Variants in USP13 observed in about 807,000 individuals in gnomAD.
USP13 encodes the protein ubiquitin specific peptidase 13, also known as ubiquitin carboxyl-terminal hydrolase 13.
A neutral mutation model predicts 107.8 loss-of-function variants in USP13; 68 were observed. The observed-to-expected ratio is 0.63, with a 90% CI of 0.52 to 0.77. USP13 has a LOEUF of 0.77. Ranked by LOEUF, USP13 falls within the 30% of genes least tolerant of loss-of-function variation. USP13 has a pLI of 0.00. For missense variants in USP13, 945 were observed against 1,093.3 expected (o/e 0.86, Z 1.91); for synonymous variants, 377 against 389.5 (o/e 0.97, Z 0.38).
At chr3:179,757,145 A>G in intron 16 of USP13, 67 bp downstream of exon 16, 2 of 1,551,096 alleles carry the variant, frequency 1.3e-6, no homozygotes, top group Non-Finnish European at 1.8e-6. Context: ...TTTGTCTGTG[A>G]AAGTTCAGTA....
chr3:179,768,400 C>T (rs1715247336), intron 19 of USP13, among the ~76,000 whole-genome samples: 1 of 152,224 alleles, frequency 6.6e-6, no homozygotes, highest in Admixed American at 6.5e-5. Flanking sequence ...ATTCCTGCCA[C>T]TGCTGGATTT....
chr3:179,685,596 G>T (rs941258230), intron 2 of USP13, among the ~76,000 whole-genome samples: 2 of 149,108 alleles, frequency 1.3e-5, no homozygotes, highest in African/African-American at 5.0e-5. Flanking sequence ...AGTCTGTTTT[G>T]TGACTTAATA....
intron 1 of USP13, among the ~76,000 whole-genome samples, chr3:179,669,832 A>AC (rs71182507): frequency 6.1e-4 from 92 of 151,200 alleles, no homozygotes; most frequent in African/African-American, 1.3e-3. Context: ...TATTTTCTTG[A>AC]CCCCCCCCTC....
intron 5 of USP13, 107 bp from the exon 6 acceptor site, chr3:179,708,666 A>C: frequency 7.4e-7 from 1 of 1,355,366 alleles, no homozygotes; most frequent in Non-Finnish European, 1.0e-6. Flanking sequence ...CTGTTATTCC[A>C]CTGAGCCTTT....
rs1715854372 is a variant in USP13, at chr3:179,784,340, T to C, written c.*199T>C. On this transcript the variant is annotated 3_prime_UTR_variant, in exon 21 of 21. Transcript: ENST00000263966. ...TTCTATTAGTGATGATACACTATTATATTGTAGATAGTTTTTATAAATGTT... is the reference window on the plus strand; with the variant it reads ...TTCTATTAGTGATGATACACTATTACATTGTAGATAGTTTTTATAAATGTT... The C allele has an allele frequency of 4.5e-6, 2 of 448,524 alleles. No individual in the cohort carries two copies. Among genetic ancestry groups the C allele is most frequent in the African/African-American group, 4.0e-5 (2 of 49,530 alleles). 27.8% of individuals were successfully genotyped at this position (448,524 alleles called of 1,614,324 possible). A position where few individuals can be genotyped will look rare whatever the true frequency, so the allele number is the denominator to read the frequency against.
Position 179,708,930 on chromosome 3 carries a change from C to G in USP13, c.778C>G (p.Leu260Val). 1 of 1,614,144 alleles carries G rather than the reference C, an allele frequency of 6.2e-7. No individual in the cohort carries two copies. The highest frequency in any genetic ancestry group is 1.1e-5 in the South Asian group (1 of 91,068). ...RDMGYPLAVK[L>V]GTITPDGADV... Reference sequence around the variant, plus strand: ...CATGGGCTACCCACTAGCCGTGAAACTGGGAACCATCACTCCTGACGGGGC... The same window carrying G: ...CATGGGCTACCCACTAGCCGTGAAAGTGGGAACCATCACTCCTGACGGGGC... Residue 260 changes from leucine to valine, a missense_variant, in exon 6 of 21, where the codon CTG (leucine) becomes GTG (valine). Leu to Val is a conservative substitution (Grantham distance 32, BLOSUM62 1). Coordinates refer to ENST00000263966, the MANE Select transcript of USP13 (RefSeq NM_003940.3).
rs1004720740 is a variant in USP13 at position 179,786,290 on chromosome 3, G to C, written c.*2149G>C. ...TTTTCAGCGATGTTATAAAACAAAG[G>C]CCTGTTTTTTGGAATTGGGGGTGAC... On this transcript the variant is annotated 3_prime_UTR_variant, in exon 21 of 21. Coordinates refer to ENST00000263966, the MANE Select transcript of USP13 (RefSeq NM_003940.3). 1 of 152,130 alleles carries C rather than the reference G, an allele frequency of 6.6e-6. No homozygotes were observed. The highest frequency in any genetic ancestry group is 2.4e-5 in the African/African-American group (1 of 41,438). 9.4% of individuals were successfully genotyped at this position (152,130 alleles called of 1,614,324 possible).
At chr3:179,689,026 A>G (rs1711997194) in intron 2 of USP13, among the ~76,000 whole-genome samples, 1 of 152,250 alleles carries the variant, frequency 6.6e-6, no homozygotes, top group African/African-American at 2.4e-5. Context: ...GAGAATCACA[A>G]GGATGAGTCA....
intron 20 of USP13, among the ~76,000 whole-genome samples, chr3:179,783,077 T>C (rs1425727218): frequency 1.3e-5 from 2 of 152,098 alleles, no homozygotes; most frequent in African/African-American, 4.8e-5. Flanking sequence ...TTGTTTTTAT[T>C]ACAAACACGA....
At chr3:179,753,255 G>C (rs1209405441) in intron 14 of USP13, among the ~76,000 whole-genome samples, 1 of 152,200 alleles carries the variant, frequency 6.6e-6, no homozygotes, top group East Asian at 1.9e-4. Context: ...ATTTCCTAGA[G>C]ACCTCCGGCA....
intron 20 of USP13, among the ~76,000 whole-genome samples, chr3:179,782,915 T>G (rs1294641228): frequency 2.6e-5 from 4 of 152,126 alleles, no homozygotes; most frequent in African/African-American, 4.8e-5. Context: ...CTGGCTAGTT[T>G]TGTATTTTTA....
In USP13 at chr3:179,788,213, T is replaced by TGGCAGGG. The variant is rs1257790827; in HGVS notation, c.*4081_*4087dup. The TGGCAGGG allele has an allele frequency of 6.6e-6, 1 of 152,342 alleles. No individual in the cohort carries two copies. Among genetic ancestry groups the TGGCAGGG allele is most frequent in the Non-Finnish European group, 1.5e-5 (1 of 68,064 alleles). The allele number at this position is 152,342 out of a possible 1,614,324, so 9.4% of individuals were successfully genotyped here. A position where few individuals can be genotyped will look rare whatever the true frequency, so the allele number is the denominator to read the frequency against. On this transcript the variant is annotated 3_prime_UTR_variant, in exon 21 of 21. Coordinates refer to ENST00000263966, the MANE Select transcript of USP13 (RefSeq NM_003940.3). Reference sequence around the variant, plus strand: ...TCAGTACATGCCTTCTGTGGGGAGATGGCAGGGGGCAGGGGCAGGACCAGG... The same window carrying TGGCAGGG: ...TCAGTACATGCCTTCTGTGGGGAGATGGCAGGGGGCAGGGGGCAGGGGCAGGACCAGG...
At chr3:179,679,201 G>T (rs1015975483) in intron 1 of USP13, among the ~76,000 whole-genome samples, 3 of 151,146 alleles carry the variant, frequency 2.0e-5, no homozygotes, top group Non-Finnish European at 4.4e-5. Context: ...ACAATTTTTT[G>T]GAATTTAAAA....
Position 179,697,877 on chromosome 3 carries a change from A to G in USP13, c.356-3131A>G, listed in dbSNP as rs191198307. Reference sequence around the variant, plus strand: ...CCCTCTTCCATTCCATTGAATTAAAAGTAAAAGTAAACTTAAACTAAGTGT... The same window carrying G: ...CCCTCTTCCATTCCATTGAATTAAAGGTAAAAGTAAACTTAAACTAAGTGT... On this transcript the variant is annotated intron_variant, in intron 3 of 20. Transcript: ENST00000263966. Among the ~76,000 whole-genome samples, 18 of 152,384 alleles carry G rather than the reference A, an allele frequency of 1.2e-4. No homozygotes were observed. In the East Asian group the frequency reaches 3.5e-3, roughly 29 times the overall value.
At chr3:179,752,210 G>A in intron 13 of USP13, 75 bp from the exon 14 acceptor site, 3 of 1,379,956 alleles carry the variant, frequency 2.2e-6, no homozygotes, top group Non-Finnish European at 3.1e-6. Flanking sequence ...CTCAGACAAA[G>A]TTGATATGCT....
chr3:179,718,958 T>C (rs961792360), intron 6 of USP13, among the ~76,000 whole-genome samples: 5 of 152,082 alleles, frequency 3.3e-5, no homozygotes, highest in African/African-American at 1.2e-4. Context: ...GGTTTCACCA[T>C]GTTAGCCAGG....
intron 1 of USP13, among the ~76,000 whole-genome samples, chr3:179,681,135 C>T (rs549018486): frequency 6.6e-6 from 1 of 152,240 alleles, no homozygotes; most frequent in South Asian, 2.1e-4. Context: ...CTCGGCTGTC[C>T]ATAGGAGCAC....
At chr3:179,696,031 C>G (rs969297346) in intron 3 of USP13, among the ~76,000 whole-genome samples, 3 of 152,146 alleles carry the variant, frequency 2.0e-5, no homozygotes, top group Non-Finnish European at 4.4e-5. Context: ...CTTCCAATAA[C>G]TCCATATCTT....
At chr3:179,666,126 G>A (rs974492066) in intron 1 of USP13, among the ~76,000 whole-genome samples, 8 of 152,150 alleles carry the variant, frequency 5.3e-5, no homozygotes, top group African/African-American at 1.9e-4. Flanking sequence ...GGAAGGCAAG[G>A]TTGAATCCTC....
Sources: allele counts gnomAD v4.1 joint callset (sites outside exome capture counted in the v4.1 genomes callset), GRCh38; gene constraint gnomAD v4.1.1; transcripts MANE v1.5; gene names NCBI Gene and HGNC (gene_info 2026-07-23, HGNC 2026-07-21).